NAPEPLD: variants seen among roughly 807,000 people sequenced by gnomAD.
The protein encoded by NAPEPLD is N-acyl phosphatidylethanolamine phospholipase D.
In NAPEPLD, 23 loss-of-function variants were observed where a neutral mutation model predicts 38.1. The ratio of observed to expected loss-of-function variants is 0.60; its 90% CI spans 0.43 to 0.86. The LOEUF is 0.86. NAPEPLD is among the 40% of genes least tolerant of loss of function. The probability of loss-of-function intolerance (pLI) is 0.00; values close to 1 mark genes in which losing one functional copy is unlikely to be tolerated. For missense variants in NAPEPLD, 411 were observed against 476.8 expected, an observed-to-expected ratio of 0.86 and a Z score of 1.28; for synonymous variants, 147 against 162.0, an observed-to-expected ratio of 0.91 and a Z score of 0.71.
At chr7:103,124,468 A>G (rs1362134606) in intron 2 of NAPEPLD, among the ~76,000 whole-genome samples, 1 of 152,134 alleles carries the variant, frequency 6.6e-6, no homozygotes, top group African/African-American at 2.4e-5. Flanking sequence ...TAGAAAAAAA[A>G]AAGGAAGAAA....
chr7:103,106,711 T>C (rs1803436844), intron 4 of NAPEPLD, among the ~76,000 whole-genome samples: 1 of 123,246 alleles, frequency 8.1e-6, no homozygotes, highest in African/African-American at 2.7e-5. Flanking sequence ...ACTTCTCCTC[T>C]CTGGGCAGGG....
chr7:103,106,005 C>T (rs1803257384), intron 4 of NAPEPLD, among the ~76,000 whole-genome samples: 1 of 149,132 alleles, frequency 6.7e-6, no homozygotes, highest in Non-Finnish European at 1.5e-5. Flanking sequence ...GAGGTCTACA[C>T]AGAAGGTGGG....
chr7:103,128,651 T>G lies in NAPEPLD; in HGVS notation c.126A>C (p.Lys42Asn), dbSNP rs1221256677. Residue 42 changes from lysine to asparagine, a missense_variant, in exon 2 of 5, where the codon AAA (lysine) becomes AAC (asparagine). Lys to Asn is a moderately conservative substitution (Grantham distance 94). Coordinates refer to ENST00000465647, the MANE Select transcript of NAPEPLD (RefSeq NM_001122838.3). ...GASDSSRFSR[K>N]SFKLDYRLEE... is the part of the protein sequence containing the mutation. Reference sequence around the variant, plus strand: ...CTAGTCTATAATCCAGTTTGAAGCTTTTCCTAGAAAACCTAGAAGAATCAC... The same window carrying G: ...CTAGTCTATAATCCAGTTTGAAGCTGTTCCTAGAAAACCTAGAAGAATCAC... The G allele has an allele frequency of 6.2e-7, 1 of 1,614,220 alleles. No homozygotes were observed. Among genetic ancestry groups the G allele is most frequent in the African/African-American group, 1.3e-5 (1 of 75,066 alleles).
chr7:103,147,879 C>T (rs1343218776), intron 1 of NAPEPLD: 1 of 660,084 alleles, frequency 1.5e-6, no homozygotes, highest in Non-Finnish European at 1.9e-6. Flanking sequence ...TCTGAAAATC[C>T]TGACTATATT....
Position 103,149,056 on chromosome 7 carries a change from C to T in NAPEPLD, c.-262G>A. ...ACGGGAAACCCACTCTCAGCCCGCT[C>T]CACTTCGCCGAAGAATTCCAAACCA... On this transcript the variant is annotated 5_prime_UTR_variant, in exon 1 of 5. Coordinates refer to ENST00000465647, the MANE Select transcript of NAPEPLD (RefSeq NM_001122838.3). 1 of 985,416 alleles carries T rather than the reference C, an allele frequency of 1.0e-6. No homozygotes were observed. Among genetic ancestry groups the T allele is most frequent in the South Asian group, 4.7e-5 (1 of 21,270 alleles). The allele number at this position is 985,416 out of a possible 1,614,324, so 61.0% of individuals were successfully genotyped here. A position where few individuals can be genotyped will look rare whatever the true frequency, so the allele number is the denominator to read the frequency against.
Position 103,100,723 on chromosome 7 carries a change from A to C in NAPEPLD, c.*2706T>G, listed in dbSNP as rs1192008243. ...AATGCATATTAGACTGAATTGAAGA[A>C]GAGAATGGATTTGTCTTATTTTTCA... On this transcript the variant is annotated 3_prime_UTR_variant, in exon 5 of 5. Transcript: ENST00000465647. 1 of 152,234 alleles carries C rather than the reference A, an allele frequency of 6.6e-6. No homozygotes were observed. Among genetic ancestry groups the C allele is most frequent in the East Asian group, 1.9e-4 (1 of 5,202 alleles). The allele number at this position is 152,234 out of a possible 1,614,324, so 9.4% of individuals were successfully genotyped here.
chr7:103,140,711 G>T (rs1811115709), intron 1 of NAPEPLD, among the ~76,000 whole-genome samples: 1 of 152,004 alleles, frequency 6.6e-6, no homozygotes, highest in Non-Finnish European at 1.5e-5. Context: ...GTTCCTTGTG[G>T]CCTCACTAAC....
intron 1 of NAPEPLD, among the ~76,000 whole-genome samples, chr7:103,145,910 T>C (rs1275658349): frequency 6.7e-6 from 1 of 149,928 alleles, no homozygotes. Context: ...AGAATTTGAG[T>C]CCAGAAACTC....
upstream of NAPEPLD, chr7:103,149,149 G>A (rs1813224566): frequency 3.0e-6 from 3 of 990,466 alleles, no homozygotes; most frequent in Non-Finnish European, 3.6e-6. Context: ...AGGTCACAGA[G>A]CACAGCAGGC....
chr7:103,103,258 T>G lies in NAPEPLD; in HGVS notation c.*171A>C. On this transcript the variant is annotated 3_prime_UTR_variant, in exon 5 of 5. Transcript: ENST00000465647. ...CCCCTGAACCCTCTCATAGTGTACA[T>G]GAGCTGATCATACTAGGAAGCAAGT... 4 of 692,610 alleles carry G rather than the reference T, an allele frequency of 5.8e-6. No individual in the cohort carries two copies. Among genetic ancestry groups the G allele is most frequent in the South Asian group, 2.3e-5 (1 of 43,216 alleles). 42.9% of individuals were successfully genotyped at this position (692,610 alleles called of 1,614,324 possible).
intron 2 of NAPEPLD, among the ~76,000 whole-genome samples, chr7:103,122,488 G>A (rs10260344): frequency 0.89 from 135,638 of 151,900 alleles, 62,537 homozygotes; most frequent in East Asian, 1. Flanking sequence ...AGGTCAATGA[G>A]AGAGTGAGTC....
Position 103,128,792 on chromosome 7 carries a change from A to G in NAPEPLD, c.-16T>C, listed in dbSNP as rs769298504. 1 of 1,598,886 alleles carries G rather than the reference A, an allele frequency of 6.3e-7. No individual in the cohort carries two copies. The highest frequency in any genetic ancestry group is 8.5e-7 in the Non-Finnish European group (1 of 1,174,990). ...TTTCATCCATGTCCTTTGGTGAAGA[A>G]CTAAAAAAAACAAGGGGGAAAAATA... On this transcript the variant is annotated splice_region_variant and 5_prime_UTR_variant, in exon 2 of 5. Transcript: ENST00000465647.
Position 103,149,084 on chromosome 7 carries a change from C to G in NAPEPLD, c.-290G>C. 1.0e-6 allele frequency: 1 copy of G among 985,578 alleles called. No individual in the cohort carries two copies. The highest frequency in any genetic ancestry group is 1.2e-6 in the Non-Finnish European group (1 of 830,052). 61.1% of individuals were successfully genotyped at this position (985,578 alleles called of 1,614,324 possible). A position where few individuals can be genotyped will look rare whatever the true frequency, so the allele number is the denominator to read the frequency against. On this transcript the variant is annotated 5_prime_UTR_variant, in exon 1 of 5. Coordinates refer to ENST00000465647, the MANE Select transcript of NAPEPLD (RefSeq NM_001122838.3). ...CTTCGCCGAAGAATTCCAAACCACC[C>G]CAGGCTCAGCAGTGTGGATTGCTCC...
At chr7:103,130,026 C>A (rs771826291) in intron 1 of NAPEPLD, among the ~76,000 whole-genome samples, 5 of 152,188 alleles carry the variant, frequency 3.3e-5, no homozygotes, top group Non-Finnish European at 2.9e-5. Context: ...ACGTATCTGC[C>A]ATGAATTTCA....
chr7:103,121,778 C>A (rs1806746657), intron 2 of NAPEPLD, among the ~76,000 whole-genome samples: 1 of 152,040 alleles, frequency 6.6e-6, no homozygotes, highest in African/African-American at 2.4e-5. Flanking sequence ...TAAGTTGCCA[C>A]TAAATCAACT....
At position 103,115,146 on chromosome 7, in the gene NAPEPLD, G is replaced by A. The variant is rs769298788; in HGVS notation, c.970C>T (p.Pro324Ser). ...RWFMKYQHVD[P>S]EEAVRIHTDV... ...GTGTGAATCCTTACAGCTTCTTCTG[G>A]GTCTACATGCTGGTATTTCATAAAC... Residue 324 changes from proline to serine, a missense_variant, in exon 4 of 5, where the codon CCA becomes TCA. By Grantham distance (74) the Pro-to-Ser change is moderately conservative. Transcript: ENST00000465647. 7 of 1,613,270 alleles carry A rather than the reference G, an allele frequency of 4.3e-6. No homozygotes were observed. The highest frequency in any genetic ancestry group is 3.3e-5 in the South Asian group (3 of 90,974).
chr7:103,139,800 C>T (rs567289643), intron 1 of NAPEPLD, among the ~76,000 whole-genome samples: 1 of 152,290 alleles, frequency 6.6e-6, no homozygotes, highest in Admixed American at 6.5e-5. Context: ...GACATGACTA[C>T]ATCAGACCCT....
chr7:103,149,364 A>AGCGGGAGGGGCGACC, upstream of NAPEPLD: 1 of 1,160,814 alleles, frequency 8.6e-7, no homozygotes, highest in Middle Eastern at 3.8e-4. Flanking sequence ...GCCGCCGCGT[A>AGCGGGAGGGGCGACC]GCGGGAGGGG....
At chr7:103,134,993 A>G (rs1288783999) in intron 1 of NAPEPLD, among the ~76,000 whole-genome samples, 1 of 152,246 alleles carries the variant, frequency 6.6e-6, no homozygotes, top group African/African-American at 2.4e-5. Context: ...CTAGAATTCA[A>G]TGCACTGCTT....
Sources: gnomAD v4.1 joint callset for allele counts (sites outside exome capture counted in the v4.1 genomes callset) on GRCh38, gnomAD v4.1.1 for gene constraint, MANE v1.5 for transcripts, NCBI Gene and HGNC (gene_info 2026-07-23, HGNC 2026-07-21) for gene names.